Variants in GALNT15 observed in about 807,000 individuals in gnomAD.
GALNT15 encodes polypeptide N-acetylgalactosaminyltransferase 15.
A neutral mutation model predicts 66.8 loss-of-function variants in GALNT15; 67 were observed. That is an observed-to-expected ratio of 1.00 (90% confidence interval 0.82 to 1.23). GALNT15 has a LOEUF of 1.23. Among genes scored for constraint, GALNT15 ranks in the 50% most tolerant of loss-of-function variants. The pLI is 0.00. For missense variants in GALNT15, 827 were observed against 804.3 expected (o/e 1.03, Z -0.34); for synonymous variants, 313 against 311.5 (o/e 1.00, Z -0.05).
At position 16,211,277 on chromosome 3, in the gene GALNT15, C is replaced by A. The variant is rs768719158; in HGVS notation, c.1197+36C>A. 8 of 1,350,340 alleles carry A rather than the reference C, an allele frequency of 5.9e-6. No homozygotes were observed. The highest frequency in any genetic ancestry group is 8.5e-6 in the Non-Finnish European group (8 of 939,864). 83.6% of individuals were successfully genotyped at this position (1,350,340 alleles called of 1,614,324 possible). A position where few individuals can be genotyped will look rare whatever the true frequency, so the allele number is the denominator to read the frequency against. ...GACCAAGGGAGGACAGAGGTGGGAT[C>A]TCTGGAGTGGTGTGTATGGTCACAG... On this transcript the variant is annotated intron_variant, in intron 5 of 9. Coordinates refer to ENST00000339732, the MANE Select transcript of GALNT15 (RefSeq NM_054110.5). The surrounding 1 kb of genome is among the most constrained non-coding windows in gnomAD (Gnocchi z 4.3).
chr3:16,220,128 A>T (rs909082756), intron 8 of GALNT15, 114 bp downstream of exon 8: 2 of 804,476 alleles, frequency 2.5e-6, no homozygotes, highest in African/African-American at 3.4e-5. Context: ...CTGTGGTCCC[A>T]TGTCCCTTGA....
rs993364722 is a variant in GALNT15 at position 16,224,791 on chromosome 3, C to T, written c.1773+2033C>T. Among the ~76,000 whole-genome samples, 6 of 152,016 alleles carry T rather than the reference C, an allele frequency of 3.9e-5. No individual in the cohort carries two copies. Among genetic ancestry groups the T allele is most frequent in the Non-Finnish European group, 7.4e-5 (5 of 68,006 alleles). ...GGCTGAGATTAGAGGTGCCTGCCAC[C>T]ATGCCCAGCTAATTTTGTATTTTTA... On this transcript the variant is annotated intron_variant, in intron 9 of 9. Coordinates refer to ENST00000339732, the MANE Select transcript of GALNT15 (RefSeq NM_054110.5). This position sits in a 1 kb window ranked among gnomAD's most constrained non-coding sequence, Gnocchi z 5.2.
chr3:16,208,228 A>G (rs1433496863), intron 3 of GALNT15, among the ~76,000 whole-genome samples: 2 of 152,268 alleles, frequency 1.3e-5, no homozygotes, highest in Non-Finnish European at 2.9e-5. Context: ...AGTTAATTTT[A>G]ATAATATAGT....
At chr3:16,240,826 C>T in the GALNT15 span, among the ~76,000 whole-genome samples, 19 of 152,270 alleles carry the variant, frequency 1.2e-4, no homozygotes, top group South Asian at 6.2e-4. Flanking sequence ...AGTAATGACC[C>T]GCCTCCCCAG....
At position 16,188,244 on chromosome 3, in the gene GALNT15, A is replaced by C. The variant is rs2063537574; in HGVS notation, c.540-7516A>C. ...TGTTGCCTGTGGGTGAAGGAAGAGG[A>C]ATCTTCCCCAGTGGTGGAAGTGAGA... On this transcript the variant is annotated intron_variant, in intron 1 of 9. Transcript: ENST00000339732. The surrounding 1 kb of genome is among the most constrained non-coding windows in gnomAD (Gnocchi z 4.6). Among the ~76,000 whole-genome samples, 1 of 152,208 alleles carries C rather than the reference A, an allele frequency of 6.6e-6. No homozygotes were observed. The highest frequency in any genetic ancestry group is 2.4e-5 in the African/African-American group (1 of 41,466).
Position 16,182,330 on chromosome 3 carries a change from G to A in GALNT15, c.539+6640G>A, listed in dbSNP as rs1254824425. On this transcript the variant is annotated intron_variant, in intron 1 of 9. Coordinates refer to ENST00000339732, the MANE Select transcript of GALNT15 (RefSeq NM_054110.5). This position sits in a 1 kb window ranked among gnomAD's most constrained non-coding sequence, Gnocchi z 6.1. ...CACATTAGAACCAATGAGTCGTCAT[G>A]TCAAGGCTCCAAAGCAGACCAAGTA... Among the ~76,000 whole-genome samples, 1 of 152,194 alleles carries A rather than the reference G, an allele frequency of 6.6e-6. No individual in the cohort carries two copies. The highest frequency in any genetic ancestry group is 1.5e-5 in the Non-Finnish European group (1 of 68,038).
intron 6 of GALNT15, among the ~76,000 whole-genome samples, chr3:16,218,774 A>G (rs2063907464): frequency 6.8e-6 from 1 of 147,654 alleles, no homozygotes; most frequent in Non-Finnish European, 1.5e-5. Context: ...CAGAAAAATC[A>G]TTAAAGCACA....
chr3:16,194,898 G>T (rs903268010), intron 1 of GALNT15, among the ~76,000 whole-genome samples: 1 of 152,186 alleles, frequency 6.6e-6, no homozygotes, highest in Non-Finnish European at 1.5e-5. Context: ...CCTAGGTGAT[G>T]GGTTGATGGT....
At position 16,200,900 on chromosome 3, in the gene GALNT15, C is replaced by A; in HGVS notation, c.911+77C>A. 2.7e-6 allele frequency: 3 copies of A among 1,095,004 alleles called. No homozygotes were observed. The highest frequency in any genetic ancestry group is 3.9e-6 in the Non-Finnish European group (3 of 774,560). 67.8% of individuals were successfully genotyped at this position (1,095,004 alleles called of 1,614,324 possible). ...TCTACAGCATCAGCCACTCACAGAG[C>A]AACCCACCTATTAATTCCTGAATCT... is the stretch of plus-strand genomic sequence containing the variant. On this transcript the variant is annotated intron_variant, in intron 3 of 9. Transcript: ENST00000339732. The surrounding 1 kb of genome is among the most constrained non-coding windows in gnomAD (Gnocchi z 4.4).
At chr3:16,235,415 A>G (rs2064120174), downstream of GALNT15, among the ~76,000 whole-genome samples, 1 of 152,174 alleles carries the variant, frequency 6.6e-6, no homozygotes, top group East Asian at 1.9e-4. Context: ...TTTTCCTATA[A>G]CTGATACATA....
Position 16,212,647 on chromosome 3 carries a change from TC to T in GALNT15, c.1282del (p.Leu428SerfsTer7). 2 of 1,613,260 alleles carry T rather than the reference TC, an allele frequency of 1.2e-6. No homozygotes were observed. The highest frequency in any genetic ancestry group is 2.7e-5 in the African/African-American group (2 of 74,794). On this transcript the variant is annotated frameshift_variant, in exon 6 of 10. Transcript: ENST00000339732. LOFTEE classifies it high-confidence loss of function. The stretch of plus-strand genomic sequence containing the variant: ...CATCTACCAAAATCAGGATTCCCAT[TC>T]CCCCCTCGACCAGGAGGCCACCCTG... ...GHIYQNQDSH[S>X]PLDQEATLRN...
rs2063811614 is a variant in GALNT15, at chr3:16,211,231, T to G, written c.1187T>G (p.Leu396Arg). ...CTGCGAGGTGGTGAAAACCTCGAAC[T>G]GTCTTTCAAGGTATGTCCTGGACCA... Reference protein sequence around the residue: ...MSLRGGENLELSFKAWLCGGS... With the variant: ...MSLRGGENLERSFKAWLCGGS... The change falls in exon 5 of 10, where the codon CTG becomes CGG. Residue 396 changes from leucine to arginine, a missense_variant. By Grantham distance (102) the Leu-to-Arg change is moderately radical. Transcript: ENST00000339732. The surrounding 1 kb of genome is among the most constrained non-coding windows in gnomAD (Gnocchi z 4.3). The G allele has an allele frequency of 6.2e-7, 1 of 1,606,546 alleles. No individual in the cohort carries two copies. The highest frequency in any genetic ancestry group is 1.3e-5 in the African/African-American group (1 of 74,866).
In GALNT15 at chr3:16,181,187, C is replaced by G. The variant is rs1305252341; in HGVS notation, c.539+5497C>G. ...AGTTATTTTCTGGCCCTGGAGGCTG[C>G]TAAATCATCATAAATGTGCAGGTAC... On this transcript the variant is annotated intron_variant, in intron 1 of 9. Transcript: ENST00000339732. The surrounding 1 kb of genome is among the most constrained non-coding windows in gnomAD (Gnocchi z 5.9). Among the ~76,000 whole-genome samples the G allele has an allele frequency of 6.6e-6, 1 of 152,128 alleles. No homozygotes were observed. The highest frequency in any genetic ancestry group is 1.5e-5 in the Non-Finnish European group (1 of 68,030).
In GALNT15 at chr3:16,219,967, G is replaced by A. The variant is rs765858817; in HGVS notation, c.1582G>A (p.Gly528Ser). The part of the protein sequence containing the change: ...ADCQAEGDIL[G>S]CPMVLAPCSD... Reference sequence around the variant, plus strand: ...CTGCCAGGCAGAAGGGGACATCCTGGGCTGTCCCATGGTGTTGGCTCCTTG... The same window carrying A: ...CTGCCAGGCAGAAGGGGACATCCTGAGCTGTCCCATGGTGTTGGCTCCTTG... Residue 528 changes from glycine (G) to serine (S), a missense_variant, in exon 8 of 10, where the codon GGC becomes AGC. Gly to Ser is a moderately conservative substitution (Grantham distance 56, BLOSUM62 0). Transcript: ENST00000339732. This position sits in a 1 kb window ranked among gnomAD's most constrained non-coding sequence, Gnocchi z 4.3. The A allele has an allele frequency of 6.2e-7, 1 of 1,614,198 alleles. No homozygotes were observed. Among genetic ancestry groups the A allele is most frequent in the Non-Finnish European group, 8.5e-7 (1 of 1,180,022 alleles).
At position 16,229,672 on chromosome 3, in the gene GALNT15, A is replaced by G. The variant is rs896242234; in HGVS notation, c.*2172A>G. ...GACCTCTGTTTTTTAACTGAACTTT[A>G]TCATTGGCATTGTGGGTCTTTGAAG... is the stretch of plus-strand genomic sequence containing the variant. On this transcript the variant is annotated 3_prime_UTR_variant, in exon 10 of 10. Transcript: ENST00000339732. 8.1e-6 allele frequency: 8 copies of G among 983,688 alleles called. No individual in the cohort carries two copies. The highest frequency in any genetic ancestry group is 5.2e-4 in the Middle Eastern group (1 of 1,930). The allele number at this position is 983,688 out of a possible 1,614,324, so 60.9% of individuals were successfully genotyped here.
intron 1 of GALNT15, among the ~76,000 whole-genome samples, chr3:16,192,452 C>T (rs1217571399): frequency 2.0e-5 from 3 of 152,076 alleles, no homozygotes; most frequent in Non-Finnish European, 2.9e-5. Context: ...GGCAACAAGC[C>T]CAATTAATAG....
At chr3:16,205,702 T>C (rs765986411) in intron 3 of GALNT15, among the ~76,000 whole-genome samples, 7 of 152,236 alleles carry the variant, frequency 4.6e-5, no homozygotes, top group Non-Finnish European at 8.8e-5. Flanking sequence ...GTGGGTTTTT[T>C]ATTTGAATTA....
chr3:16,245,089 T>G, the GALNT15 span, among the ~76,000 whole-genome samples: 1 of 152,192 alleles, frequency 6.6e-6, no homozygotes, highest in Admixed American at 6.6e-5. Context: ...TCTCAGTCAC[T>G]GAGGGGATGG....
intron 1 of GALNT15, among the ~76,000 whole-genome samples, chr3:16,177,305 G>T (rs1328785083): frequency 6.6e-6 from 1 of 152,188 alleles, no homozygotes; most frequent in Non-Finnish European, 1.5e-5. Context: ...AAATAATATT[G>T]CCTGAAACGA....
Sources: allele counts gnomAD v4.1 joint callset (sites outside exome capture counted in the v4.1 genomes callset), GRCh38; gene constraint gnomAD v4.1.1; non-coding constraint Gnocchi (gnomAD v3.1); transcripts MANE v1.5; gene names NCBI Gene and HGNC (gene_info 2026-07-23, HGNC 2026-07-21).